The following RGS6 variants were observed in gnomAD, a reference collection of about 807,000 sequenced individuals.
RGS6 encodes the protein regulator of G-protein signaling 6.
RGS6 carries 30 observed loss-of-function variants against 78.5 expected under a neutral mutation model. The ratio of observed to expected loss-of-function variants is 0.38; its 90% CI spans 0.29 to 0.52. The LOEUF (loss-of-function observed/expected upper bound fraction) is 0.52, where lower values mean the gene tolerates loss of function less well. Among genes scored for constraint, RGS6 ranks in the 20% least tolerant of loss-of-function variants. The pLI is 0.85. For synonymous variants in RGS6, 206 were observed against 206.0 expected, an observed-to-expected ratio of 1.00 and a Z score of 0.00; for missense variants, 495 against 609.7, an observed-to-expected ratio of 0.81 and a Z score of 1.98.
At chr14:72,253,768 AGC>A in intron 2 of RGS6, among the ~76,000 whole-genome samples, 1 of 152,288 alleles carries the variant, frequency 6.6e-6, no homozygotes, top group East Asian at 1.9e-4. Context: ...ACCATTAGAG[AGC>A]TGAGCATCGG....
At chr14:72,069,067 G>A (rs2094301306) in intron 2 of RGS6, among the ~76,000 whole-genome samples, 1 of 151,860 alleles carries the variant, frequency 6.6e-6, no homozygotes, top group Non-Finnish European at 1.5e-5. Flanking sequence ...TGGCCTCCTG[G>A]CTTCAAGTGA....
chr14:72,433,722 A>G (rs2094768024), intron 3 of RGS6, among the ~76,000 whole-genome samples: 1 of 152,062 alleles, frequency 6.6e-6, no homozygotes, highest in South Asian at 2.1e-4. Flanking sequence ...CCCTGAGTCC[A>G]GAGCCAAACT....
chr14:72,150,896 G>T (rs920060474), intron 2 of RGS6, among the ~76,000 whole-genome samples: 3 of 152,112 alleles, frequency 2.0e-5, no homozygotes, highest in African/African-American at 7.2e-5. Flanking sequence ...TATGGGTGTT[G>T]GTTTGCCAGA....
intron 2 of RGS6, among the ~76,000 whole-genome samples, chr14:72,052,604 G>A (rs1225580419): frequency 6.6e-6 from 1 of 151,974 alleles, no homozygotes; most frequent in African/African-American, 2.4e-5. Flanking sequence ...TTAATCTATA[G>A]TAAGACCTCA....
intron 2 of RGS6, among the ~76,000 whole-genome samples, chr14:71,995,226 T>C (rs997712287): frequency 7.9e-5 from 12 of 151,820 alleles, no homozygotes; most frequent in Non-Finnish European, 1.2e-4. Flanking sequence ...TCATCCCCAA[T>C]TGAAAAAAAA....
At chr14:72,266,272 A>G (rs1289787196) in intron 2 of RGS6, among the ~76,000 whole-genome samples, 1 of 152,200 alleles carries the variant, frequency 6.6e-6, no homozygotes, top group Admixed American at 6.5e-5. Context: ...GCTTCCACAC[A>G]TGGTGGTCTC....
chr14:72,468,690 C>G (rs1394752189), intron 7 of RGS6, among the ~76,000 whole-genome samples: 3 of 152,092 alleles, frequency 2.0e-5, no homozygotes, highest in Non-Finnish European at 4.4e-5. Context: ...GTAGGTATCT[C>G]GGGGTCTTTA....
intron 2 of RGS6, among the ~76,000 whole-genome samples, chr14:72,230,916 AACACATAC>A (rs2049397488): frequency 6.6e-6 from 1 of 152,200 alleles, no homozygotes; most frequent in Non-Finnish European, 1.5e-5. Context: ...TTGCCAAGTT[AACACATAC>A]ATTGGAGTGT....
At chr14:72,547,353 T>C (rs61299139) in intron 17 of RGS6, 55,223 of 1,534,702 alleles carry the variant, frequency 0.036, 1,452 homozygotes, top group East Asian at 0.12. Flanking sequence ...GTCTGAGGAC[T>C]TCAAAGGCTA....
the RGS6 span, among the ~76,000 whole-genome samples, chr14:72,599,405 T>TG: frequency 8.8e-6 from 1 of 113,162 alleles, no homozygotes; most frequent in South Asian, 3.4e-4. Context: ...TTTTTTTTTT[T>TG]TTTTTTTTTT....
At chr14:71,997,312 T>C (rs1013523294) in intron 2 of RGS6, among the ~76,000 whole-genome samples, 8 of 152,006 alleles carry the variant, frequency 5.3e-5, no homozygotes, top group Non-Finnish European at 1.2e-4. Context: ...CATGGTGAGT[T>C]TGAGATGCCT....
At chr14:72,180,252 G>T (rs563225382) in intron 2 of RGS6, among the ~76,000 whole-genome samples, 103 of 152,364 alleles carry the variant, frequency 6.8e-4, no homozygotes, top group African/African-American at 2.3e-3. Context: ...TTCAGTAACA[G>T]TTGTATTCCC....
intron 2 of RGS6, among the ~76,000 whole-genome samples, chr14:72,006,283 T>G (rs1431028424): frequency 6.6e-6 from 1 of 152,190 alleles, no homozygotes; most frequent in African/African-American, 2.4e-5. Flanking sequence ...TGTCTACCAA[T>G]GCATTAGACC....
chr14:72,275,124 G>A (rs2060487127), intron 2 of RGS6, among the ~76,000 whole-genome samples: 1 of 152,118 alleles, frequency 6.6e-6, no homozygotes, highest in Non-Finnish European at 1.5e-5. Context: ...TTATATTGCA[G>A]TTTACAAAGT....
the RGS6 span, among the ~76,000 whole-genome samples, chr14:72,584,256 C>T: frequency 3.3e-5 from 5 of 152,120 alleles, no homozygotes; most frequent in Non-Finnish European, 7.4e-5. Flanking sequence ...TATTGAACAC[C>T]CATGTGCCAG....
At chr14:72,412,999 A>C (rs887384708) in intron 3 of RGS6, among the ~76,000 whole-genome samples, 3 of 152,176 alleles carry the variant, frequency 2.0e-5, no homozygotes, top group African/African-American at 7.2e-5. Context: ...TATGTGGTCA[A>C]TTTTGAAATA....
chr14:71,953,022 T>G (rs1271016108), intron 1 of RGS6, among the ~76,000 whole-genome samples: 2 of 152,196 alleles, frequency 1.3e-5, no homozygotes, highest in Non-Finnish European at 2.9e-5. Context: ...ATACAATCTT[T>G]CATGCGAAAT....
chr14:72,590,831 A>G, the RGS6 span, among the ~76,000 whole-genome samples: 4 of 152,368 alleles, frequency 2.6e-5, no homozygotes, highest in East Asian at 7.7e-4. Context: ...CATAACCACC[A>G]GAAGAAAAGA....
chr14:72,320,564 C>A (rs1343995188), intron 2 of RGS6, among the ~76,000 whole-genome samples: 5 of 151,708 alleles, frequency 3.3e-5, no homozygotes, highest in South Asian at 4.2e-4. Context: ...GGCAATAGAG[C>A]AAGACTCTGT....
Sources: gnomAD v4.1 joint callset for allele counts (sites outside exome capture counted in the v4.1 genomes callset) on GRCh38, gnomAD v4.1.1 for gene constraint, MANE v1.5 for transcripts, NCBI Gene and HGNC (gene_info 2026-07-23, HGNC 2026-07-21) for gene names.